Variants in DYSF observed in about 807,000 individuals in gnomAD.
DYSF encodes dystrophy-associated fer-1-like 1.
A neutral mutation model predicts 274.9 loss-of-function variants in DYSF; 212 were observed. That is an observed-to-expected ratio of 0.77 (90% confidence interval 0.69 to 0.86). The LOEUF (loss-of-function observed/expected upper bound fraction) is 0.86, where lower values mean the gene tolerates loss of function less well. Among genes scored for constraint, DYSF ranks in the 40% least tolerant of loss-of-function variants. The pLI is 0.00. For missense variants in DYSF, 2,666 were observed against 2,783.2 expected, an observed-to-expected ratio of 0.96 and a Z score of 0.95; for synonymous variants, 1,091 against 1,078.7, an observed-to-expected ratio of 1.01 and a Z score of -0.22.
intron 45 of DYSF, 71 bp downstream of exon 45, chr2:71,660,722 T>G: frequency 7.6e-7 from 1 of 1,321,622 alleles, no homozygotes; most frequent in Non-Finnish European, 1.1e-6. Context: ...GTGGGGGAGA[T>G]GTGACTGGCA....
intron 55 of DYSF, among the ~76,000 whole-genome samples, 168 bp from the exon 56 acceptor site, chr2:71,686,286 G>A (rs1004316973): frequency 2.0e-5 from 3 of 152,194 alleles, no homozygotes; most frequent in African/African-American, 7.2e-5. Context: ...GGCAAGTGGT[G>A]AGGGCGAGGC....
At chr2:71,685,105 G>A (rs148065358) in intron 55 of DYSF, among the ~76,000 whole-genome samples, 237 of 152,332 alleles carry the variant, frequency 1.6e-3, no homozygotes, top group African/African-American at 5.4e-3. Context: ...TGGGGAAGGA[G>A]GCCCTGCTGC....
intron 24 of DYSF, among the ~76,000 whole-genome samples, chr2:71,566,044 A>G (rs1262957503): frequency 2.0e-5 from 3 of 152,182 alleles, no homozygotes; most frequent in African/African-American, 7.2e-5. Context: ...CCACCTGCTC[A>G]CATGCCACCT....
intron 41 of DYSF, among the ~76,000 whole-genome samples, chr2:71,631,638 C>T (rs1346116922): frequency 1.3e-5 from 2 of 152,126 alleles, no homozygotes; most frequent in Non-Finnish European, 2.9e-5. Flanking sequence ...GGAATCAGGG[C>T]CGAAATCTGT....
At chr2:71,624,841 T>G (rs1054831001) in intron 41 of DYSF, among the ~76,000 whole-genome samples, 1 of 152,140 alleles carries the variant, frequency 6.6e-6, no homozygotes, top group African/African-American at 2.4e-5. Context: ...TATGCATTCG[T>G]AAAACTGGGC....
chr2:71,621,040 G>A (rs1362596068), intron 41 of DYSF, among the ~76,000 whole-genome samples: 1 of 152,120 alleles, frequency 6.6e-6, no homozygotes, highest in African/African-American at 2.4e-5. Context: ...ACCCTGGCTG[G>A]CCCCTCGGGT....
At chr2:71,656,032 C>G (rs1045375552) in intron 42 of DYSF, 130 bp from the exon 43 acceptor site, 7 of 1,238,866 alleles carry the variant, frequency 5.7e-6, no homozygotes, top group African/African-American at 4.5e-5. Flanking sequence ...TTCTTCTTCT[C>G]TCTTCCTTCT....
chr2:71,510,820 G>T (rs2086014745), intron 4 of DYSF, among the ~76,000 whole-genome samples: 1 of 152,238 alleles, frequency 6.6e-6, no homozygotes, highest in Admixed American at 6.5e-5. Flanking sequence ...CTGACATTCA[G>T]TAAAAGAAAA....
chr2:71,485,595 A>G (rs1263018200), intron 3 of DYSF, among the ~76,000 whole-genome samples: 2 of 152,198 alleles, frequency 1.3e-5, no homozygotes, highest in East Asian at 3.9e-4. Flanking sequence ...GAGGGAGCAC[A>G]GGTACCTGCA....
At chr2:71,503,341 C>A (rs762169471) in intron 4 of DYSF, 22 bp downstream of exon 4, 6 of 1,612,248 alleles carry the variant, frequency 3.7e-6, no homozygotes, top group Admixed American at 1.7e-5. Context: ...TCAGCCTCTG[C>A]CAGGTTAAGG....
Position 71,492,350 on chromosome 2 carries a change from T to C in DYSF, c.239+10380T>C, listed in dbSNP as rs1383719702. Among the ~76,000 whole-genome samples the C allele has an allele frequency of 2.6e-5, 4 of 152,128 alleles. No individual in the cohort carries two copies. The East Asian group carries it at 7.7e-4, about 29-fold the overall frequency. ...GAGCTGGAGGGGCTCAGAGGACAGG[T>C]GTTTCCTCCCCTGTATGGCATGTGT... On this transcript the variant is annotated intron_variant, in intron 3 of 55. Transcript: ENST00000410020.
rs140078695 is a variant in DYSF at position 71,618,039 on chromosome 2, GGTGTGT to G, written c.4465-2494_4465-2489del. Reference sequence around the variant, plus strand: ...TGGGGTGTGTGTGTGTGGTAGAGATGGTGTGTGTGTGTGTGTGTGGTAGAGATGGGG... The same window carrying G: ...TGGGGTGTGTGTGTGTGGTAGAGATGGTGTGTGTGTGTGGTAGAGATGGGG... On this transcript the variant is annotated intron_variant, in intron 40 of 55. Coordinates refer to ENST00000410020, the MANE Select transcript of DYSF (RefSeq NM_001130987.2). Among the ~76,000 whole-genome samples, 11 of 50,300 alleles carry G rather than the reference GGTGTGT, an allele frequency of 2.2e-4. 1 individual carries two copies. The highest frequency in any genetic ancestry group is 3.4e-4 in the Non-Finnish European group (9 of 26,316). The allele number at this position is 50,300 out of a possible 152,430, so 33.0% of individuals were successfully genotyped here. A position where few individuals can be genotyped will look rare whatever the true frequency, so the allele number is the denominator to read the frequency against.
chr2:71,577,175 C>G (rs2092727802), intron 30 of DYSF: 1 of 152,960 alleles, frequency 6.5e-6, no homozygotes, highest in African/African-American at 2.4e-5. Context: ...ACTTGACTGT[C>G]TGGAAGACTC....
At position 71,535,282 on chromosome 2, in the gene DYSF, C is replaced by A. The variant is rs202044973; in HGVS notation, c.1464C>A (p.Cys488Ter). The change falls in exon 16 of 56, where the codon TGC becomes TGA. Residue 488 changes from cysteine to a stop codon, truncating the protein, a stop_gained. Transcript: ENST00000410020. LOFTEE classifies it high-confidence loss of function. ...ITLPAMFPSM[C>*]EKMRIRIIDW... The stretch of plus-strand genomic sequence containing the variant: ...TCCTTCCTCAGTTTCCCTCCATGTG[C>A]GAAAAAATGAGGATTCGTATCATAG... 46 of 1,613,894 alleles carry A rather than the reference C, an allele frequency of 2.9e-5. No homozygotes were observed. The highest frequency in any genetic ancestry group is 3.6e-5 in the Non-Finnish European group (43 of 1,179,974).
At chr2:71,569,741 G>T (rs1280502221) in intron 26 of DYSF, 79 bp from the exon 27 acceptor site, 21 of 1,241,342 alleles carry the variant, frequency 1.7e-5, no homozygotes, top group Non-Finnish European at 2.3e-5. Context: ...CATACGCAGG[G>T]GTGCTCTCCA....
At chr2:71,571,070 A>ACATG (rs2092399840) in intron 29 of DYSF, among the ~76,000 whole-genome samples, 2 of 142,326 alleles carry the variant, frequency 1.4e-5, no homozygotes, top group African/African-American at 3.0e-5. Flanking sequence ...CACACCCAGC[A>ACATG]CACAGATTAC....
At chr2:71,579,156 C>T (rs774611557) in intron 30 of DYSF, among the ~76,000 whole-genome samples, 7 of 152,154 alleles carry the variant, frequency 4.6e-5, no homozygotes, top group Non-Finnish European at 2.9e-5. Context: ...CCCCTCCTGA[C>T]GCCACCGGCC....
chr2:71,505,790 C>T (rs931751914), intron 4 of DYSF, among the ~76,000 whole-genome samples: 8 of 152,194 alleles, frequency 5.3e-5, no homozygotes, highest in African/African-American at 1.9e-4. Context: ...GGTGTGGATA[C>T]ATGGAGAAAA....
chr2:71,684,643 G>A (rs573874787), intron 55 of DYSF, among the ~76,000 whole-genome samples: 34 of 152,172 alleles, frequency 2.2e-4, no homozygotes, highest in Non-Finnish European at 3.7e-4. Flanking sequence ...GCAGACCCTC[G>A]CCCTTGGTGT....
Sources: gnomAD v4.1 joint callset for allele counts (sites outside exome capture counted in the v4.1 genomes callset) on GRCh38, gnomAD v4.1.1 for gene constraint, MANE v1.5 for transcripts, NCBI Gene and HGNC (gene_info 2026-07-23, HGNC 2026-07-21) for gene names.